The following TM9SF2 variants were observed in gnomAD, a reference collection of about 807,000 sequenced individuals.
The protein encoded by TM9SF2 is 76 kDa membrane protein.
In TM9SF2, 13 loss-of-function variants were observed where a neutral mutation model predicts 84.9. That is an observed-to-expected ratio of 0.15 (90% CI 0.10 to 0.24). The LOEUF (loss-of-function observed/expected upper bound fraction) is 0.24. Ranked by LOEUF, TM9SF2 falls within the 10% of genes least tolerant of loss-of-function variation. The pLI, the probability that TM9SF2 is intolerant of heterozygous loss-of-function variation, is 1.00. For missense variants in TM9SF2, 562 were observed against 818.5 expected (o/e 0.69, Z 3.82); for synonymous variants, 273 against 285.8 (o/e 0.96, Z 0.45).
chr13:99,540,871 A>C (rs2046256175), intron 8 of TM9SF2, 78 bp downstream of exon 8: 1 of 1,270,294 alleles, frequency 7.9e-7, no homozygotes, highest in Non-Finnish European at 1.1e-6. Flanking sequence ...TTTACTCTCA[A>C]ATCCTCTCTA....
intron 5 of TM9SF2, 108 bp downstream of exon 5, chr13:99,536,845 AGAT>A: frequency 8.0e-7 from 1 of 1,251,032 alleles, no homozygotes; most frequent in Non-Finnish European, 1.1e-6. Flanking sequence ...TGTACAGTTC[AGAT>A]GTTCTGAAGT....
At chr13:99,506,773 A>G (rs1434851994) in intron 1 of TM9SF2, among the ~76,000 whole-genome samples, 1 of 152,178 alleles carries the variant, frequency 6.6e-6, no homozygotes, top group Non-Finnish European at 1.5e-5. Context: ...ACACACAGAC[A>G]CACATCGGCA....
At chr13:99,551,452 A>C (rs543775245) in intron 12 of TM9SF2, among the ~76,000 whole-genome samples, 2 of 152,298 alleles carry the variant, frequency 1.3e-5, no homozygotes, top group South Asian at 4.1e-4. Flanking sequence ...GTCAAACCTA[A>C]ATGCACCAGG....
chr13:99,503,068 C>G (rs1296574728), intron 1 of TM9SF2, among the ~76,000 whole-genome samples: 1 of 152,170 alleles, frequency 6.6e-6, no homozygotes, highest in African/African-American at 2.4e-5. Context: ...CTCTGCAGTG[C>G]AAGAAGCTTT....
intron 3 of TM9SF2, among the ~76,000 whole-genome samples, chr13:99,527,975 A>G (rs1238832463): frequency 6.6e-6 from 1 of 152,112 alleles, no homozygotes; most frequent in Admixed American, 6.6e-5. Flanking sequence ...TGATATTTTG[A>G]TTTTCAGAAT....
Sources: allele counts gnomAD v4.1 joint callset (sites outside exome capture counted in the v4.1 genomes callset), GRCh38; gene constraint gnomAD v4.1.1; transcripts MANE v1.5; gene names NCBI Gene and HGNC (gene_info 2026-07-23, HGNC 2026-07-21).